Variants in BABAM2 observed in about 807,000 individuals in gnomAD.
The protein encoded by BABAM2 is BRISC and BRCA1 A complex member 2, also known as BRISC and BRCA1-A complex member 2.
In BABAM2, 31 loss-of-function variants were observed where a neutral mutation model predicts 54.7. The ratio of observed to expected loss-of-function variants is 0.57; its 90% confidence interval spans 0.43 to 0.77. BABAM2 has a LOEUF of 0.77. Ranked by LOEUF, BABAM2 falls within the 30% of genes least tolerant of loss-of-function variation. BABAM2 has a pLI of 0.00. For synonymous variants in BABAM2, 167 were observed against 162.9 expected (o/e 1.03, Z -0.19); for missense variants, 364 against 455.8 (o/e 0.80, Z 1.83).
chr2:27,907,928 G>A (rs1666302808), intron 2 of BABAM2, among the ~76,000 whole-genome samples: 1 of 152,164 alleles, frequency 6.6e-6, no homozygotes, highest in Non-Finnish European at 1.5e-5. Flanking sequence ...TCTATTGATA[G>A]ACACTTGGGT....
chr2:28,235,681 G>A (rs551634774), intron 7 of BABAM2, among the ~76,000 whole-genome samples: 82 of 151,522 alleles, frequency 5.4e-4, no homozygotes, highest in Non-Finnish European at 8.1e-4. Flanking sequence ...TTTTGAGACA[G>A]GGTCTCACTC....
At chr2:28,180,629 TA>T (rs1436061023) in intron 7 of BABAM2, among the ~76,000 whole-genome samples, 1 of 151,810 alleles carries the variant, frequency 6.6e-6, no homozygotes, top group East Asian at 1.9e-4. Context: ...CTATATTAAA[TA>T]AAAAAGCTTC....
At chr2:28,036,313 C>T (rs886329342) in intron 5 of BABAM2, among the ~76,000 whole-genome samples, 8 of 152,100 alleles carry the variant, frequency 5.3e-5, no homozygotes, top group African/African-American at 1.7e-4. Context: ...AAATTGTTTT[C>T]GGAAATGTAC....
Position 27,910,913 on chromosome 2 carries a change from C to A in BABAM2, c.128+16229C>A, listed in dbSNP as rs1240769374. Among the ~76,000 whole-genome samples, 3 of 152,136 alleles carry A rather than the reference C, an allele frequency of 2.0e-5. No individual in the cohort carries two copies. The East Asian group carries it at 5.8e-4, about 29-fold the overall frequency. ...CTTGAATTGTAGTTTCCATAATCCC[C>A]ACCTGTCATGGGAGGGACCCGGTGG... On this transcript the variant is annotated intron_variant, in intron 2 of 11. Transcript: ENST00000379624.
At chr2:27,927,838 G>GTTTTTTTTTTTTTT (rs376186465) in intron 2 of BABAM2, among the ~76,000 whole-genome samples, 1 of 135,768 alleles carries the variant, frequency 7.4e-6, no homozygotes. Flanking sequence ...TAAAGTTTCT[G>GTTTTTTTTTTTTTT]TTTTTTTTTT....
chr2:28,004,798 C>T (rs1673839779), intron 4 of BABAM2, among the ~76,000 whole-genome samples: 1 of 151,948 alleles, frequency 6.6e-6, no homozygotes, highest in South Asian at 2.1e-4. Flanking sequence ...TAGGTGATCC[C>T]ACCTCAGCCT....
chr2:27,948,900 T>TA (rs1474910856), intron 3 of BABAM2, among the ~76,000 whole-genome samples: 1 of 152,256 alleles, frequency 6.6e-6, no homozygotes, highest in Non-Finnish European at 1.5e-5. Flanking sequence ...AGATGCCCTT[T>TA]ATCAGACTGA....
At chr2:28,257,984 C>T (rs1684112465) in intron 10 of BABAM2, among the ~76,000 whole-genome samples, 1 of 152,188 alleles carries the variant, frequency 6.6e-6, no homozygotes, top group Non-Finnish European at 1.5e-5. Context: ...CGAGACCAGC[C>T]TAGCCAACAT....
intron 2 of BABAM2, among the ~76,000 whole-genome samples, chr2:27,917,955 TGAGG>T (rs1250354359): frequency 6.6e-6 from 1 of 152,170 alleles, no homozygotes; most frequent in Non-Finnish European, 1.5e-5. Context: ...TCCAGAAATG[TGAGG>T]GTCTGTCTCT....
chr2:28,053,799 C>T (rs1451424836), intron 6 of BABAM2, among the ~76,000 whole-genome samples: 1 of 152,066 alleles, frequency 6.6e-6, no homozygotes, highest in Admixed American at 6.6e-5. Context: ...TGGTCTCTGT[C>T]ACAACTACTC....
chr2:28,218,224 A>G (rs1239030891), intron 7 of BABAM2, among the ~76,000 whole-genome samples: 2 of 152,188 alleles, frequency 1.3e-5, no homozygotes, highest in African/African-American at 4.8e-5. Flanking sequence ...AAGAACATGG[A>G]CATTCTCTTA....
At chr2:28,132,186 T>G (rs2148774749) in intron 7 of BABAM2, among the ~76,000 whole-genome samples, 1 of 150,720 alleles carries the variant, frequency 6.6e-6, no homozygotes, top group East Asian at 1.9e-4. Flanking sequence ...TCCCCCAGGC[T>G]GGAGTGCAGT....
chr2:28,130,079 C>T (rs1303786573), intron 7 of BABAM2, among the ~76,000 whole-genome samples: 1 of 152,096 alleles, frequency 6.6e-6, no homozygotes, highest in Non-Finnish European at 1.5e-5. Context: ...GGATTATAAG[C>T]AGATTTGGTT....
At chr2:28,049,803 T>G (rs1195710661) in intron 6 of BABAM2, among the ~76,000 whole-genome samples, 1 of 152,166 alleles carries the variant, frequency 6.6e-6, no homozygotes, top group Non-Finnish European at 1.5e-5. Flanking sequence ...CAGAGAGTTG[T>G]GAATATGTAA....
At chr2:28,160,524 T>A (rs916927432) in intron 7 of BABAM2, among the ~76,000 whole-genome samples, 1 of 152,206 alleles carries the variant, frequency 6.6e-6, no homozygotes, top group Non-Finnish European at 1.5e-5. Flanking sequence ...ACCCACACAT[T>A]CACATACTTG....
intron 4 of BABAM2, chr2:28,016,305 C>A (rs1369300558): frequency 9.8e-7 from 1 of 1,022,852 alleles, no homozygotes; most frequent in Non-Finnish European, 1.5e-6. Context: ...TCTTCACATT[C>A]AACCAAACTC....
At chr2:28,110,693 C>T (rs1479367331) in intron 6 of BABAM2, among the ~76,000 whole-genome samples, 1 of 151,658 alleles carries the variant, frequency 6.6e-6, no homozygotes, top group African/African-American at 2.4e-5. Flanking sequence ...CTTTAGGATC[C>T]TGTTTTCAGT....
At chr2:28,243,201 T>A (rs2066035666) in intron 9 of BABAM2, among the ~76,000 whole-genome samples, 1 of 152,158 alleles carries the variant, frequency 6.6e-6, no homozygotes, top group Non-Finnish European at 1.5e-5. Flanking sequence ...ATCTGAAAAG[T>A]ATTGATATCA....
chr2:28,068,937 G>A (rs1021581553), intron 6 of BABAM2, among the ~76,000 whole-genome samples: 2 of 152,180 alleles, frequency 1.3e-5, no homozygotes, highest in Non-Finnish European at 2.9e-5. Flanking sequence ...GAAAATAAGT[G>A]TGCATGTGTT....
Sources: allele counts gnomAD v4.1 joint callset (sites outside exome capture counted in the v4.1 genomes callset), GRCh38; gene constraint gnomAD v4.1.1; transcripts MANE v1.5; gene names NCBI Gene and HGNC (gene_info 2026-07-23, HGNC 2026-07-21).